The following PBX4 variants were observed in gnomAD, a reference collection of about 807,000 sequenced individuals.
PBX4 encodes the protein pre-B-cell leukemia transcription factor 4.
In PBX4, 26 loss-of-function variants were observed where a neutral mutation model predicts 35.1. The ratio of observed to expected loss-of-function variants is 0.74; its 90% CI spans 0.54 to 1.03. The LOEUF is 1.03. Ranked by LOEUF, PBX4 falls within the 50% of genes least tolerant of loss-of-function variation. The probability of loss-of-function intolerance (pLI) is 0.00; values close to 1 mark genes in which losing one functional copy is unlikely to be tolerated. For synonymous variants in PBX4, 199 were observed against 204.2 expected (o/e 0.97, Z 0.22); for missense variants, 448 against 504.3 (o/e 0.89, Z 1.07).
chr19:19,565,104 G>A lies in PBX4; in HGVS notation c.769-15C>T. On this transcript the variant is annotated splice_polypyrimidine_tract_variant and intron_variant, in intron 5 of 7. Coordinates refer to ENST00000251203, the MANE Select transcript of PBX4 (RefSeq NM_025245.3). ...CAGTTAGAGACCTGCGGACACACAG[G>A]AGTCACTGGAGGAGCTGACCCAGCG... is the stretch of plus-strand genomic sequence containing the variant. 6.2e-7 allele frequency: 1 copy of A among 1,614,038 alleles called. No homozygotes were observed. Among genetic ancestry groups the A allele is most frequent in the South Asian group, 1.1e-5 (1 of 91,084 alleles).
chr19:19,578,973 C>T (rs563902076), intron 2 of PBX4, among the ~76,000 whole-genome samples: 2 of 152,246 alleles, frequency 1.3e-5, no homozygotes, highest in East Asian at 3.9e-4. Flanking sequence ...GAGAAAAGGC[C>T]TCATAATGAA....
At position 19,569,456 on chromosome 19, in the gene PBX4, A is replaced by G; in HGVS notation, c.761T>C (p.Ile254Thr). The change falls in exon 5 of 8, where the codon ATC (isoleucine) becomes ACC (threonine). Residue 254 changes from isoleucine to threonine, a missense_variant. Coordinates refer to ENST00000251203, the MANE Select transcript of PBX4 (RefSeq NM_025245.3). ...EELARKGGLT[I>T]SQVSNWFGNK... Reference sequence around the variant, plus strand: ...GGCAGGAGAGAACGTCACCTGGGAGATGGTGAGGCCGCCCTTCCTGGCCAG... The same window carrying G: ...GGCAGGAGAGAACGTCACCTGGGAGGTGGTGAGGCCGCCCTTCCTGGCCAG... The G allele has an allele frequency of 6.2e-7, 1 of 1,610,566 alleles. No individual in the cohort carries two copies. Among genetic ancestry groups the G allele is most frequent in the Non-Finnish European group, 8.5e-7 (1 of 1,178,514 alleles).
At position 19,618,593 on chromosome 19, in the gene PBX4, C is replaced by T. The variant is rs746589833; in HGVS notation, c.37G>A (p.Ala13Thr). The part of the protein sequence containing the change: ...APPRPAPSPP[A>T]PRRLDTSDVL... The stretch of plus-strand genomic sequence containing the variant: ...TCGCTCGTGTCGAGGCGCCGCGGGG[C>T]GGGGGGCGATGGCGCGGGGCGCGGC... The change falls in exon 1 of 8, where the codon GCC (alanine) becomes ACC (threonine). Residue 13 changes from alanine to threonine, a missense_variant. Coordinates refer to ENST00000251203, the MANE Select transcript of PBX4 (RefSeq NM_025245.3). The T allele has an allele frequency of 1.5e-6, 2 of 1,292,586 alleles. No homozygotes were observed. Among genetic ancestry groups the T allele is most frequent in the Non-Finnish European group, 2.0e-6 (2 of 1,018,064 alleles). 80.1% of individuals were successfully genotyped at this position (1,292,586 alleles called of 1,614,324 possible). A position where few individuals can be genotyped will look rare whatever the true frequency, so the allele number is the denominator to read the frequency against.
At chr19:19,595,294 G>A (rs2061554436) in intron 2 of PBX4, among the ~76,000 whole-genome samples, 1 of 152,166 alleles carries the variant, frequency 6.6e-6, no homozygotes, top group Non-Finnish European at 1.5e-5. Flanking sequence ...ACCACAGCCA[G>A]TGTCTCCAGG....
chr19:19,603,909 C>T (rs1312409554), intron 1 of PBX4, among the ~76,000 whole-genome samples: 1 of 148,124 alleles, frequency 6.8e-6, no homozygotes, highest in East Asian at 2.0e-4. Context: ...TTGCAGTGAG[C>T]CGAGAACACG....
intron 2 of PBX4, among the ~76,000 whole-genome samples, chr19:19,578,396 G>A (rs147883053): frequency 6.6e-6 from 1 of 152,170 alleles, no homozygotes; most frequent in African/African-American, 2.4e-5. Flanking sequence ...CACTGATGCT[G>A]GCCTAATTAT....
chr19:19,618,115 C>T (rs1016975703), intron 1 of PBX4, among the ~76,000 whole-genome samples: 1 of 152,102 alleles, frequency 6.6e-6, no homozygotes, highest in African/African-American at 2.4e-5. Context: ...GAGCCATGAT[C>T]ACGCCACTGC....
intron 6 of PBX4, among the ~76,000 whole-genome samples, chr19:19,564,571 T>G (rs1241293311): frequency 6.6e-6 from 1 of 152,150 alleles, no homozygotes. Context: ...CTAATTTTTT[T>G]TGTATTTTCA....
At chr19:19,603,816 G>T (rs1445294326) in intron 1 of PBX4, among the ~76,000 whole-genome samples, 2 of 151,986 alleles carry the variant, frequency 1.3e-5, no homozygotes, top group African/African-American at 2.4e-5. Flanking sequence ...AATTAGCCGG[G>T]CATGATGGCA....
chr19:19,610,626 A>G (rs2061658161), intron 1 of PBX4, among the ~76,000 whole-genome samples: 1 of 151,100 alleles, frequency 6.6e-6, no homozygotes, highest in African/African-American at 2.4e-5. Context: ...TGGCTGGCGC[A>G]TGCATGTAAT....
intron 2 of PBX4, among the ~76,000 whole-genome samples, chr19:19,592,040 T>C (rs2061531615): frequency 6.6e-6 from 1 of 151,930 alleles, no homozygotes; most frequent in Non-Finnish European, 1.5e-5. Flanking sequence ...TTTGTATTTT[T>C]AGTAGAGATG....
intron 2 of PBX4, among the ~76,000 whole-genome samples, chr19:19,585,965 C>T (rs761457249): frequency 4.6e-5 from 7 of 152,274 alleles, no homozygotes; most frequent in African/African-American, 7.2e-5. Context: ...TCTCTTCACA[C>T]GGACGCGTGA....
At chr19:19,615,679 G>T (rs1398672602) in intron 1 of PBX4, among the ~76,000 whole-genome samples, 2 of 152,170 alleles carry the variant, frequency 1.3e-5, no homozygotes, top group African/African-American at 4.8e-5. Flanking sequence ...ATCACCTAAG[G>T]TCAGGAATTT....
At chr19:19,593,660 T>C (rs936821224) in intron 2 of PBX4, among the ~76,000 whole-genome samples, 1 of 152,176 alleles carries the variant, frequency 6.6e-6, no homozygotes, top group African/African-American at 2.4e-5. Context: ...GCTTGTGCAT[T>C]TCAGGGAGGA....
chr19:19,567,532 G>A (rs537135311), intron 5 of PBX4, among the ~76,000 whole-genome samples: 1 of 152,178 alleles, frequency 6.6e-6, no homozygotes, highest in Non-Finnish European at 1.5e-5. Flanking sequence ...CATTCCTGCT[G>A]CCATAGAGGC....
In PBX4 at chr19:19,562,195, G is replaced by C; in HGVS notation, c.1033-78C>G. On this transcript the variant is annotated intron_variant, in intron 7 of 7. Coordinates refer to ENST00000251203, the MANE Select transcript of PBX4 (RefSeq NM_025245.3). The surrounding 1 kb of genome is among the most constrained non-coding windows in gnomAD (Gnocchi z 4.8). ...ACCCAGCCCACGTGCTGCAGGCGGA[G>C]CCTCCAGGGGTCCCTGGGAAGGCTT... The C allele has an allele frequency of 1.9e-6, 2 of 1,049,478 alleles. No homozygotes were observed. The highest frequency in any genetic ancestry group is 1.6e-5 in the South Asian group (1 of 62,712). 65.0% of individuals were successfully genotyped at this position (1,049,478 alleles called of 1,614,324 possible).
intron 2 of PBX4, among the ~76,000 whole-genome samples, chr19:19,589,820 A>T (rs1435592576): frequency 6.6e-6 from 1 of 152,168 alleles, no homozygotes; most frequent in Non-Finnish European, 1.5e-5. Context: ...ATCCCACAAC[A>T]GGGCAGAGAT....
intron 2 of PBX4, among the ~76,000 whole-genome samples, chr19:19,597,784 T>A (rs2061569746): frequency 6.6e-6 from 1 of 152,190 alleles, no homozygotes; most frequent in Non-Finnish European, 1.5e-5. Flanking sequence ...GCCCCACTTA[T>A]AAGCTACTTT....
intron 1 of PBX4, chr19:19,606,753 C>A (rs1178286745): frequency 6.6e-6 from 1 of 152,090 alleles, no homozygotes; most frequent in African/African-American, 2.4e-5. Context: ...CTGAAGCGGG[C>A]GGATCACCTG....
Sources: gnomAD v4.1 joint callset for allele counts (sites outside exome capture counted in the v4.1 genomes callset) on GRCh38, gnomAD v4.1.1 for gene constraint, Gnocchi (gnomAD v3.1) non-coding constraint, MANE v1.5 for transcripts, NCBI Gene and HGNC (gene_info 2026-07-23, HGNC 2026-07-21) for gene names.